The following NRDC variants were observed in gnomAD, a reference collection of about 807,000 sequenced individuals.
NRDC encodes the protein nardilysin.
In NRDC, 54 loss-of-function variants were observed where a neutral mutation model predicts 147.1. That is an observed-to-expected ratio of 0.37 (90% CI 0.29 to 0.46). The LOEUF is 0.46. Among genes scored for constraint, NRDC ranks in the 20% least tolerant of loss-of-function variants. The pLI is 1.00. For synonymous variants in NRDC, 440 were observed against 482.1 expected (o/e 0.91, Z 1.14); for missense variants, 1,082 against 1,370.6 (o/e 0.79, Z 3.33).
intron 10 of NRDC, among the ~76,000 whole-genome samples, chr1:51,817,316 C>T (rs902845337): frequency 6.6e-6 from 1 of 150,884 alleles, no homozygotes; most frequent in South Asian, 2.1e-4. Context: ...CCCCCCCTCC[C>T]AAAAAAGTTA....
At chr1:51,869,866 C>T (rs892046513) in intron 1 of NRDC, among the ~76,000 whole-genome samples, 13 of 152,160 alleles carry the variant, frequency 8.5e-5, no homozygotes, top group African/African-American at 3.1e-4. Flanking sequence ...TGTCCATATT[C>T]ATTTTCTCTG....
intron 1 of NRDC, among the ~76,000 whole-genome samples, chr1:51,865,745 A>T (rs1174573998): frequency 6.6e-6 from 1 of 152,184 alleles, no homozygotes; most frequent in Non-Finnish European, 1.5e-5. Flanking sequence ...CACAGATAGT[A>T]ATTTTTTTTA....
Position 51,810,391 on chromosome 1 carries a change from G to A in NRDC, c.1793C>T (p.Ala598Val). The part of the protein sequence containing the change: ...FEYKPEVIGE[A>V]LNQLVPQKAN... The stretch of plus-strand genomic sequence containing the variant: ...TTTTTGAGGAACTAGCTGATTCAAG[G>A]CTTCACCAATGACCTAGTAAAGTGG... Residue 598 changes from alanine to valine, a missense_variant, in exon 16 of 31, where the codon GCC becomes GTC. By Grantham distance (64) the Ala-to-Val change is moderately conservative. This residue lies in a region of NRDC where 635 missense variants were observed against 923.8 expected (regional missense o/e 0.69). Transcript: ENST00000352171. 1 of 1,611,838 alleles carries A rather than the reference G, an allele frequency of 6.2e-7. No homozygotes were observed. Among genetic ancestry groups the A allele is most frequent in the Non-Finnish European group, 8.5e-7 (1 of 1,178,800 alleles).
rs1679325616 is a variant in NRDC, at chr1:51,803,816, G to A, written c.2311C>T (p.Pro771Ser). 1 of 1,611,380 alleles carries A rather than the reference G, an allele frequency of 6.2e-7. No individual in the cohort carries two copies. The highest frequency in any genetic ancestry group is 2.2e-5 in the East Asian group (1 of 44,832). Residue 771 changes from proline to serine, a missense_variant and splice_region_variant, in exon 20 of 31, where the codon CCT becomes TCT. By Grantham distance (74) the Pro-to-Ser change is moderately conservative. Coordinates refer to ENST00000352171, the MANE Select transcript of NRDC (RefSeq NM_001101662.2). ...IRVKGFNHKL[P>S]LLFQLIIDYL... The stretch of plus-strand genomic sequence containing the variant: ...GAAAACAGAGTACTTGTACTTACAG[G>A]TAGTTTGTGGTTAAATCCTTTCACT...
chr1:51,847,237 C>A (rs1397010624), intron 1 of NRDC, among the ~76,000 whole-genome samples: 2 of 152,226 alleles, frequency 1.3e-5, no homozygotes, highest in Non-Finnish European at 2.9e-5. Context: ...AGAGTGCTGA[C>A]TGGTGTATCC....
At chr1:51,807,583 T>G (rs1339812278) in intron 17 of NRDC, among the ~76,000 whole-genome samples, 2 of 151,968 alleles carry the variant, frequency 1.3e-5, no homozygotes, top group Non-Finnish European at 2.9e-5. Context: ...GGTGCGCACC[T>G]GTAATCCCAG....
At chr1:51,846,191 A>G (rs572293554) in intron 1 of NRDC, among the ~76,000 whole-genome samples, 2 of 151,710 alleles carry the variant, frequency 1.3e-5, no homozygotes, top group Admixed American at 6.6e-5. Context: ...GGCTCACTGC[A>G]ACCTCCACTT....
chr1:51,852,141 C>T (rs201274654), intron 1 of NRDC, among the ~76,000 whole-genome samples: 7 of 152,084 alleles, frequency 4.6e-5, no homozygotes, highest in African/African-American at 7.2e-5. Flanking sequence ...TTATGGCTGA[C>T]GAAATTTTCC....
chr1:51,863,388 C>G (rs1328710855), intron 1 of NRDC, among the ~76,000 whole-genome samples: 1 of 151,716 alleles, frequency 6.6e-6, no homozygotes, highest in Non-Finnish European at 1.5e-5. Context: ...GGTGACAGAG[C>G]ACGACTCTGT....
chr1:51,815,770 T>C (rs1196965172), intron 11 of NRDC, among the ~76,000 whole-genome samples: 1 of 152,242 alleles, frequency 6.6e-6, no homozygotes, highest in East Asian at 1.9e-4. Flanking sequence ...TACTTTAATA[T>C]ATTAGTCTTG....
intron 1 of NRDC, among the ~76,000 whole-genome samples, chr1:51,850,153 G>C (rs1681874838): frequency 6.6e-6 from 1 of 151,834 alleles, no homozygotes; most frequent in African/African-American, 2.4e-5. Context: ...CTCCAGCCCG[G>C]GCAACAGAGC....
At position 51,809,251 on chromosome 1, in the gene NRDC, T is replaced by C. The variant is rs1679603504; in HGVS notation, c.1990+64A>G. On this transcript the variant is annotated intron_variant, in intron 17 of 30. Transcript: ENST00000352171. ...TCCTACGATACTTTGTAAAATATAATGTGCTATACAGGTGCCTATTAGCAC... is the reference window on the plus strand; with the variant it reads ...TCCTACGATACTTTGTAAAATATAACGTGCTATACAGGTGCCTATTAGCAC... 4 of 948,322 alleles carry C rather than the reference T, an allele frequency of 4.2e-6. No homozygotes were observed. In the Admixed American group the frequency reaches 7.3e-5, roughly 17 times the overall value. 58.7% of individuals were successfully genotyped at this position (948,322 alleles called of 1,614,324 possible). A position where few individuals can be genotyped will look rare whatever the true frequency, so the allele number is the denominator to read the frequency against.
chr1:51,833,925 AT>A (rs2149217746), intron 4 of NRDC, 91 bp downstream of exon 4: 2 of 1,136,636 alleles, frequency 1.8e-6, no homozygotes, highest in African/African-American at 1.5e-5. Context: ...CAAGTAAAGT[AT>A]TGTGACAATT....
chr1:51,791,104 A>T, intron 27 of NRDC, 114 bp from the exon 28 acceptor site: 1 of 720,222 alleles, frequency 1.4e-6, no homozygotes. Context: ...ACATATATCC[A>T]GGAAAAAAAG....
In NRDC at chr1:51,878,600, T is replaced by C. The variant is rs1283082659; in HGVS notation, c.16A>G (p.Thr6Ala). 5 of 1,611,770 alleles carry C rather than the reference T, an allele frequency of 3.1e-6. No individual in the cohort carries two copies. The African/African-American group carries it at 6.7e-5, about 22-fold the overall frequency. Reference protein sequence around the residue: MLRRVTVAAVCATRRK... With the variant: MLRRVAVAAVCATRRK... ...CGGGTGGCACAGACTGCAGCAACAGTGACTCTCCTCAGCATTCACCACCAA... is the reference window on the plus strand; with the variant it reads ...CGGGTGGCACAGACTGCAGCAACAGCGACTCTCCTCAGCATTCACCACCAA... Residue 6 changes from threonine to alanine, a missense_variant, in exon 1 of 31, where the codon ACT (threonine) becomes GCT (alanine). Physicochemically the swap from Thr to Ala is moderately conservative, Grantham distance 58. Around this residue, in one of 3 missense-constraint regions of NRDC, gnomAD observed 260 missense variants for 253.2 expected, o/e 1.03. Coordinates refer to ENST00000352171, the MANE Select transcript of NRDC (RefSeq NM_001101662.2).
At chr1:51,807,006 C>G in intron 17 of NRDC, 93 bp from the exon 18 acceptor site, 1 of 1,475,122 alleles carries the variant, frequency 6.8e-7, no homozygotes. Flanking sequence ...TAACTTTTCT[C>G]TGTGGCAAAA....
At chr1:51,819,436 T>C (rs1557910765) in intron 9 of NRDC, among the ~76,000 whole-genome samples, 1 of 152,198 alleles carries the variant, frequency 6.6e-6, no homozygotes, top group Non-Finnish European at 1.5e-5. Flanking sequence ...AAGGAAACGA[T>C]TGCCAAAGTG....
intron 24 of NRDC, 94 bp downstream of exon 24, chr1:51,794,378 C>G: frequency 7.9e-7 from 1 of 1,268,948 alleles, no homozygotes; most frequent in Non-Finnish European, 1.1e-6. Flanking sequence ...AAGCATGAAA[C>G]TACAGAAGTA....
Position 51,836,917 on chromosome 1 carries a change from A to C in NRDC, c.631-705T>G, listed in dbSNP as rs1247293884. The stretch of plus-strand genomic sequence containing the variant: ...AACAAAATTGATGGCCAAGAGGTAC[A>C]CCAAACTGCACTTAAAATGATTGGG... On this transcript the variant is annotated intron_variant, in intron 2 of 30. Transcript: ENST00000352171. Among the ~76,000 whole-genome samples, 4 of 151,422 alleles carry C rather than the reference A, an allele frequency of 2.6e-5. No homozygotes were observed. The South Asian group carries it at 8.4e-4, about 32-fold the overall frequency.
Sources: gnomAD v4.1 joint callset for allele counts (sites outside exome capture counted in the v4.1 genomes callset) on GRCh38, gnomAD v4.1.1 for gene constraint, gnomAD v4.1.1 regional missense constraint, MANE v1.5 for transcripts, NCBI Gene and HGNC (gene_info 2026-07-23, HGNC 2026-07-21) for gene names.